Variants in CLTCL1 observed in about 807,000 individuals in gnomAD.
The protein encoded by CLTCL1 is clathrin heavy chain like 1.
CLTCL1 carries 159 observed loss-of-function variants against 190.0 expected under a neutral mutation model. That is an observed-to-expected ratio of 0.84 (90% CI 0.74 to 0.95). The LOEUF (loss-of-function observed/expected upper bound fraction) is 0.95, where lower values mean the gene tolerates loss of function less well. Ranked by LOEUF, CLTCL1 falls within the 40% of genes least tolerant of loss-of-function variation. CLTCL1 has a pLI of 0.00. For missense variants in CLTCL1, 1,878 were observed against 2,033.4 expected (o/e 0.92, Z 1.47); for synonymous variants, 752 against 769.6 (o/e 0.98, Z 0.38).
intron 26 of CLTCL1, 49 bp from the exon 27 acceptor site, chr22:19,191,484 C>T (rs782047404): frequency 5.6e-6 from 9 of 1,598,326 alleles, no homozygotes; most frequent in South Asian, 1.1e-5. Context: ...TCTCCAGATA[C>T]CCCAGGGCTC....
chr22:19,222,839 G>C (rs782635864), intron 14 of CLTCL1, 30 bp from the exon 15 acceptor site: 1 of 1,579,056 alleles, frequency 6.3e-7, no homozygotes, highest in Non-Finnish European at 8.6e-7. Flanking sequence ...GAACAAGTCA[G>C]GGAGTGGAGA....
Position 19,201,414 on chromosome 22 carries a change from A to G in CLTCL1, c.3680T>C (p.Leu1227Pro), listed in dbSNP as rs1443835646. 4 of 1,613,794 alleles carry G rather than the reference A, an allele frequency of 2.5e-6. No homozygotes were observed. The highest frequency in any genetic ancestry group is 1.3e-5 in the African/African-American group (1 of 74,930). Residue 1227 changes from leucine to proline, a missense_variant, in exon 23 of 33, where the codon CTG becomes CCG. Coordinates refer to ENST00000427926, the MANE Select transcript of CLTCL1 (RefSeq NM_007098.4). Reference sequence around the variant, plus strand: ...ACCGAGGTGAACCAAGGTGGAAGCCAGGCGGGCAAAGTTAGAAACATTGCT... The same window carrying G: ...ACCGAGGTGAACCAAGGTGGAAGCCGGGCGGGCAAAGTTAGAAACATTGCT... The part of the protein sequence containing the change: ...LYSNVSNFAR[L>P]ASTLVHLGEY...
chr22:19,190,221 G>A (rs1012611411), intron 27 of CLTCL1, among the ~76,000 whole-genome samples: 2 of 152,230 alleles, frequency 1.3e-5, no homozygotes, highest in Non-Finnish European at 2.9e-5. Flanking sequence ...GCCTCCCAAA[G>A]TGTTGGGATT....
At chr22:19,185,427 C>T (rs1771542) in intron 29 of CLTCL1, among the ~76,000 whole-genome samples, 8,993 of 151,738 alleles carry the variant, frequency 0.059, 331 homozygotes, top group Middle Eastern at 0.16. Flanking sequence ...CCTGGGTTCA[C>T]GCCATTCTCC....
chr22:19,182,344 C>T (rs1569138397), intron 30 of CLTCL1: 1 of 152,348 alleles, frequency 6.6e-6, no homozygotes, highest in East Asian at 1.9e-4. Context: ...TCAATCCAAC[C>T]AGTCCATGTC....
At chr22:19,237,139 C>T (rs1004322074) in intron 5 of CLTCL1, among the ~76,000 whole-genome samples, 22 of 152,034 alleles carry the variant, frequency 1.4e-4, no homozygotes, top group African/African-American at 4.8e-4. Context: ...ATACATCAGA[C>T]ACTTAGTACT....
In CLTCL1 at chr22:19,196,669, C is replaced by G; in HGVS notation, c.3874-13G>C. 1.9e-6 allele frequency: 3 copies of G among 1,608,650 alleles called. No homozygotes were observed. The highest frequency in any genetic ancestry group is 1.7e-6 in the Non-Finnish European group (2 of 1,177,224). On this transcript the variant is annotated splice_polypyrimidine_tract_variant and intron_variant, in intron 24 of 32. Transcript: ENST00000427926. Reference sequence around the variant, plus strand: ...AGTAGCCACGATCCTAGCAGACCAACAGCCACGCGTGGGGCAGAGTGATTG... The same window carrying G: ...AGTAGCCACGATCCTAGCAGACCAAGAGCCACGCGTGGGGCAGAGTGATTG...
chr22:19,240,853 G>GGTGTCCTTTCTGT (rs1445087126), intron 4 of CLTCL1, among the ~76,000 whole-genome samples: 2 of 152,258 alleles, frequency 1.3e-5, no homozygotes, highest in Non-Finnish European at 2.9e-5. Context: ...CAGAGGCACA[G>GGTGTCCTTTCTGT]AAAGGACACC....
intron 15 of CLTCL1, 41 bp downstream of exon 15, chr22:19,222,643 C>T: frequency 6.4e-7 from 1 of 1,571,886 alleles, no homozygotes; most frequent in Non-Finnish European, 8.6e-7. Flanking sequence ...CTGACTGGGG[C>T]CCAGAGGCAG....
chr22:19,213,281 T>C (rs190898139), intron 19 of CLTCL1, among the ~76,000 whole-genome samples: 1 of 152,206 alleles, frequency 6.6e-6, no homozygotes, highest in East Asian at 1.9e-4. Context: ...CACACTGCTA[T>C]ACATTTATGA....
chr22:19,189,910 A>C (rs1217655328), intron 27 of CLTCL1, among the ~76,000 whole-genome samples: 1 of 152,220 alleles, frequency 6.6e-6, no homozygotes, highest in African/African-American at 2.4e-5. Flanking sequence ...TGTTGGGAAC[A>C]TTTCAAATCT....
intron 1 of CLTCL1, among the ~76,000 whole-genome samples, chr22:19,282,888 A>T (rs7285357): frequency 0.19 from 25,318 of 134,074 alleles, 2,381 homozygotes; most frequent in East Asian, 0.38. Context: ...TTTTTTTTTT[A>T]GACAGAGTCT....
intron 26 of CLTCL1, among the ~76,000 whole-genome samples, chr22:19,193,597 G>A (rs184542582): frequency 3.5e-3 from 527 of 152,370 alleles, no homozygotes; most frequent in Non-Finnish European, 5.0e-3. Context: ...AAGGCTGGGC[G>A]TGGTGGCTCA....
intron 1 of CLTCL1, among the ~76,000 whole-genome samples, chr22:19,285,249 T>C (rs2087865270): frequency 6.6e-6 from 1 of 151,882 alleles, no homozygotes; most frequent in Non-Finnish European, 1.5e-5. Context: ...CACTCCAGCC[T>C]GGGCAACAGA....
chr22:19,242,807 A>G lies in CLTCL1; in HGVS notation c.649T>C (p.Cys217Arg). The change falls in exon 4 of 33, where the codon TGC (cysteine) becomes CGC (arginine). Residue 217 changes from cysteine (C) to arginine (R), a missense_variant. Cys to Arg is a radical substitution (Grantham distance 180). Coordinates refer to ENST00000427926, the MANE Select transcript of CLTCL1 (RefSeq NM_007098.4). ...CCTGTGGGATTACGTACAGCAAAGC[A>G]GAAAAGGGTGGCAGGCTTGGCATTC... ...EGNAKPATLF[C>R]FAVRNPTGGK... 6.2e-7 allele frequency: 1 copy of G among 1,613,970 alleles called. No individual in the cohort carries two copies. Among genetic ancestry groups the G allele is most frequent in the Non-Finnish European group, 8.5e-7 (1 of 1,179,900 alleles).
intron 24 of CLTCL1, among the ~76,000 whole-genome samples, chr22:19,197,716 TC>T (rs1265024251): frequency 6.6e-5 from 10 of 152,136 alleles, no homozygotes; most frequent in Non-Finnish European, 1.5e-4. Context: ...GGCCCTGCCA[TC>T]CTGCTGTCTG....
At chr22:19,288,113 T>C (rs1233545418) in intron 1 of CLTCL1, among the ~76,000 whole-genome samples, 2 of 152,186 alleles carry the variant, frequency 1.3e-5, no homozygotes, top group African/African-American at 4.8e-5. Flanking sequence ...GCTGTAGACA[T>C]TGCCAGCCCA....
intron 17 of CLTCL1, 31 bp downstream of exon 17, chr22:19,221,346 A>C: frequency 6.7e-7 from 1 of 1,492,822 alleles, no homozygotes; most frequent in South Asian, 1.3e-5. Context: ...GCCCAGGGTT[A>C]CATGGGCAGC....
At chr22:19,281,344 G>C (rs2087708775) in intron 1 of CLTCL1, among the ~76,000 whole-genome samples, 1 of 151,534 alleles carries the variant, frequency 6.6e-6, no homozygotes, top group African/African-American at 2.4e-5. Flanking sequence ...GGTGGTGATG[G>C]CTGCATAACA....
Sources: gnomAD v4.1 joint callset for allele counts (sites outside exome capture counted in the v4.1 genomes callset) on GRCh38, gnomAD v4.1.1 for gene constraint, MANE v1.5 for transcripts, NCBI Gene and HGNC (gene_info 2026-07-23, HGNC 2026-07-21) for gene names.